Variants in MGST1 observed in about 807,000 individuals in gnomAD.
MGST1 encodes microsomal glutathione S-transferase 1.
In MGST1, 5 loss-of-function variants were observed where a neutral mutation model predicts 8.9. The ratio of observed to expected loss-of-function variants is 0.56; its 90% confidence interval spans 0.29 to 1.19. The LOEUF (loss-of-function observed/expected upper bound fraction) is 1.19, where lower values mean the gene tolerates loss of function less well. Ranked by LOEUF, MGST1 falls within the 50% of genes most tolerant of loss-of-function variation. The pLI is 0.08. For missense variants in MGST1, 182 were observed against 187.4 expected (o/e 0.97, Z 0.17); for synonymous variants, 54 against 67.8 (o/e 0.80, Z 1.00).
chr12:16,380,973 T>A (rs7302868), downstream of MGST1, among the ~76,000 whole-genome samples: 46,227 of 151,250 alleles, frequency 0.31, 7,053 homozygotes, highest in African/African-American at 0.34. Context: ...AATCCCTGCC[T>A]TTTTTCTTTT....
chr12:16,550,024 G>C (rs1019549668), intron 4 of MGST1: 3 of 151,954 alleles, frequency 2.0e-5, no homozygotes, highest in Non-Finnish European at 4.4e-5. Context: ...ATAAATGTCA[G>C]GTAAATACAG....
chr12:16,591,092 G>A (rs944971137), downstream of MGST1, among the ~76,000 whole-genome samples: 17 of 151,972 alleles, frequency 1.1e-4, no homozygotes, highest in South Asian at 2.1e-4. The surrounding 1 kb of genome is among the most constrained non-coding windows in gnomAD (Gnocchi z 4.1). Flanking sequence ...TTTTCTAGGG[G>A]ACATTTAGAA....
At chr12:16,351,413 T>TA (rs1939457967) in intron 1 of MGST1, among the ~76,000 whole-genome samples, 1 of 152,162 alleles carries the variant, frequency 6.6e-6, no homozygotes, top group Admixed American at 6.5e-5. Context: ...ACTAGAGACT[T>TA]ATGGAGGTTG....
chr12:16,549,181 A>C (rs1367267788), intron 4 of MGST1: 1 of 152,072 alleles, frequency 6.6e-6, no homozygotes, highest in Non-Finnish European at 1.5e-5. Flanking sequence ...TCTCCCCCAC[A>C]TATTTTTAAT....
chr12:16,559,327 A>G lies in MGST1; in HGVS notation n.483-30201A>G, dbSNP rs565820067. On this transcript the variant is annotated intron_variant and non_coding_transcript_variant, in intron 4 of 4. Coordinates refer to the MGST1 transcript ENST00000538857. This position sits in a 1 kb window ranked among gnomAD's most constrained non-coding sequence, Gnocchi z 4.1. ...TATAGTTTTCACAGAAATAAAAAAT[A>G]TAACTTTCAATAAGAAAAAATGGAA... 6.6e-5 allele frequency among the ~76,000 whole-genome samples: 10 copies of G among 152,368 alleles called. No homozygotes were observed. Among genetic ancestry groups the G allele is most frequent in the Non-Finnish European group, 1.3e-4 (9 of 68,030 alleles).
At chr12:16,394,469 CCTTT>C (rs1467295904) in intron 1 of MGST1, among the ~76,000 whole-genome samples, 2 of 149,112 alleles carry the variant, frequency 1.3e-5, no homozygotes, top group Non-Finnish European at 3.0e-5. Context: ...TTCCTCCCTC[CCTTT>C]CTATCTTTCT....
intron 1 of MGST1, chr12:16,353,543 C>A (rs1229304218): frequency 6.6e-6 from 1 of 152,102 alleles, no homozygotes; most frequent in Non-Finnish European, 1.5e-5. Context: ...AGGTACATAG[C>A]TTGATGTTTC....
In MGST1 at chr12:16,560,578, C is replaced by G. The variant is rs201967277; in HGVS notation, n.483-28950C>G. On this transcript the variant is annotated intron_variant and non_coding_transcript_variant, in intron 4 of 4. Transcript: ENST00000538857. This position sits in a 1 kb window ranked among gnomAD's most constrained non-coding sequence, Gnocchi z 5.0. ...ATTTTTTTTTTTTTACAAACTCTTA[C>G]AGAGAAATCTGAGATCGTGAAGAGA... The G allele has an allele frequency of 2.5e-5, 40 of 1,577,012 alleles. No individual in the cohort carries two copies. The highest frequency in any genetic ancestry group is 3.2e-5 in the Non-Finnish European group (37 of 1,154,120).
chr12:16,474,280 A>G (rs1312755024), intron 4 of MGST1, among the ~76,000 whole-genome samples: 1 of 152,248 alleles, frequency 6.6e-6, no homozygotes, highest in Non-Finnish European at 1.5e-5. Context: ...CAGAACATGT[A>G]AAAGTGTGTT....
chr12:16,501,099 A>G lies in MGST1; in HGVS notation n.483-88429A>G, dbSNP rs536075890. Among the ~76,000 whole-genome samples, 99 of 45,862 alleles carry G rather than the reference A, an allele frequency of 2.2e-3. 1 individual carries two copies. Among genetic ancestry groups the G allele is most frequent in the East Asian group, 0.019 (28 of 1,496 alleles). 30.1% of individuals were successfully genotyped at this position (45,862 alleles called of 152,430 possible). A position where few individuals can be genotyped will look rare whatever the true frequency, so the allele number is the denominator to read the frequency against. ...GCCTGGTGACAGGGACTCTGTCTCG[A>G]AAAAAAAAAAAAAAAAAAAGAAAGA... is the stretch of plus-strand genomic sequence containing the variant. On this transcript the variant is annotated intron_variant and non_coding_transcript_variant, in intron 4 of 4. Transcript: ENST00000538857.
At chr12:16,494,474 G>T (rs966689216) in intron 4 of MGST1, among the ~76,000 whole-genome samples, 16 of 152,082 alleles carry the variant, frequency 1.1e-4, no homozygotes, top group African/African-American at 3.9e-4. Context: ...CTTATTAATT[G>T]TAAGACCTGG....
chr12:16,416,596 A>C (rs920015975), intron 1 of MGST1, among the ~76,000 whole-genome samples: 7 of 152,096 alleles, frequency 4.6e-5, no homozygotes, highest in Non-Finnish European at 7.3e-5. Context: ...TAGGAGCACC[A>C]ACCCCATCAT....
At chr12:16,463,631 G>A (rs774455426) in intron 4 of MGST1, among the ~76,000 whole-genome samples, 8 of 151,036 alleles carry the variant, frequency 5.3e-5, no homozygotes, top group Non-Finnish European at 1.2e-4. Context: ...AAATCAGTGA[G>A]GCAGAGTTTT....
intron 4 of MGST1, among the ~76,000 whole-genome samples, chr12:16,565,984 A>ATG (rs1942586310): frequency 1.2e-3 from 2 of 1,732 alleles, no homozygotes; most frequent in Non-Finnish European, 2.8e-3. Flanking sequence ...AAAATGTGCC[A>ATG]TATATATATA....
intron 2 of MGST1, 144 bp downstream of exon 2, chr12:16,354,522 C>A: frequency 1.4e-6 from 1 of 692,194 alleles, no homozygotes. Context: ...TCGTTTGGCA[C>A]AGATGGATCT....
At position 16,426,969 on chromosome 12, in the gene MGST1, CA is replaced by C. The variant is rs572147225; in HGVS notation, n.779-10401del. Among the ~76,000 whole-genome samples the C allele has an allele frequency of 0.016, 1,323 of 84,296 alleles. 24 individuals are homozygous for C. The East Asian group carries it at 0.22, about 14-fold the overall frequency. The allele number at this position is 84,296 out of a possible 152,430, so 55.3% of individuals were successfully genotyped here. A position where few individuals can be genotyped will look rare whatever the true frequency, so the allele number is the denominator to read the frequency against. Reference sequence around the variant, plus strand: ...TGGGTGACAGAGCGAGACTCTGTCTCAAAAAAAAAAAAAAAAAAGCTGAACA... The same window carrying C: ...TGGGTGACAGAGCGAGACTCTGTCTCAAAAAAAAAAAAAAAAAGCTGAACA... On this transcript the variant is annotated intron_variant and non_coding_transcript_variant, in intron 1 of 1. Coordinates refer to the MGST1 transcript ENST00000359720.
Position 16,546,779 on chromosome 12 carries a change from T to G in MGST1, n.483-42749T>G, listed in dbSNP as rs1183462479. The stretch of plus-strand genomic sequence containing the variant: ...TAGTTGGTGACTTTTTATGTCAGGT[T>G]TGGTATTTTTTTAAATCCCTTCCCC... On this transcript the variant is annotated intron_variant and non_coding_transcript_variant, in intron 4 of 4. Coordinates refer to the MGST1 transcript ENST00000538857. This position sits in a 1 kb window ranked among gnomAD's most constrained non-coding sequence, Gnocchi z 4.7. Among the ~76,000 whole-genome samples the G allele has an allele frequency of 1.3e-5, 2 of 152,026 alleles. No individual in the cohort carries two copies. Among genetic ancestry groups the G allele is most frequent in the Non-Finnish European group, 2.9e-5 (2 of 67,984 alleles).
At position 16,548,550 on chromosome 12, in the gene MGST1, G is replaced by A. The variant is rs1941873492; in HGVS notation, n.483-40978G>A. 6.6e-6 allele frequency: 1 copy of A among 152,148 alleles called. No homozygotes were observed. The highest frequency in any genetic ancestry group is 2.4e-5 in the African/African-American group (1 of 41,434). 9.4% of individuals were successfully genotyped at this position (152,148 alleles called of 1,614,324 possible). On this transcript the variant is annotated intron_variant and non_coding_transcript_variant, in intron 4 of 4. Coordinates refer to the MGST1 transcript ENST00000538857. The surrounding 1 kb of genome is among the most constrained non-coding windows in gnomAD (Gnocchi z 4.2). Reference sequence around the variant, plus strand: ...CCTTCATCATAGGCAGCCTATGCGAGATGCATCTTAGGAAGGGAGCTTTCG... The same window carrying A: ...CCTTCATCATAGGCAGCCTATGCGAAATGCATCTTAGGAAGGGAGCTTTCG...
intron 4 of MGST1, among the ~76,000 whole-genome samples, chr12:16,496,153 A>T (rs1169944121): frequency 6.6e-6 from 1 of 152,082 alleles, no homozygotes; most frequent in Non-Finnish European, 1.5e-5. Flanking sequence ...CTAGGCATGT[A>T]ACATAGAGAA....
Sources: gnomAD v4.1 joint callset for allele counts (sites outside exome capture counted in the v4.1 genomes callset) on GRCh38, gnomAD v4.1.1 for gene constraint, Gnocchi (gnomAD v3.1) non-coding constraint, MANE v1.5 for transcripts, NCBI Gene and HGNC (gene_info 2026-07-23, HGNC 2026-07-21) for gene names.